The following FGL1 variants were observed in gnomAD, a reference collection of about 807,000 sequenced individuals.
FGL1 encodes fibrinogen like 1.
A neutral mutation model predicts 43.7 loss-of-function variants in FGL1; 59 were observed. The observed-to-expected ratio is 1.35, with a 90% CI of 1.10 to 1.68. The LOEUF (loss-of-function observed/expected upper bound fraction) is 1.68. FGL1 is among the 40% of genes most tolerant of loss of function. The probability of loss-of-function intolerance (pLI) is 0.00; values close to 1 mark genes in which losing one functional copy is unlikely to be tolerated. For synonymous variants in FGL1, 192 were observed against 126.5 expected, an observed-to-expected ratio of 1.52 and a Z score of -3.48; for missense variants, 596 against 373.0, an observed-to-expected ratio of 1.60 and a Z score of -4.92.
chr8:17,891,041 C>T (rs1300794761), intron 1 of FGL1, among the ~76,000 whole-genome samples: 2 of 152,108 alleles, frequency 1.3e-5, no homozygotes, highest in Admixed American at 6.6e-5. Flanking sequence ...CACTTATCAC[C>T]AAATATAATG....
chr8:17,874,185 C>T (rs1563451033), intron 4 of FGL1, 69 bp from the exon 5 acceptor site: 1 of 1,358,306 alleles, frequency 7.4e-7, no homozygotes, highest in Non-Finnish European at 1.0e-6. Flanking sequence ...CCACCACCCA[C>T]CCCCTGCTAC....
chr8:17,895,261 T>C (rs2053758066), intron 1 of FGL1, 186 bp downstream of exon 1: 1 of 1,010,350 alleles, frequency 9.9e-7, no homozygotes, highest in Non-Finnish European at 1.2e-6. Flanking sequence ...TATCTGTATA[T>C]CTGTAACAAA....
At chr8:17,885,216 AT>A (rs528619225) in intron 2 of FGL1, among the ~76,000 whole-genome samples, 3 of 151,216 alleles carry the variant, frequency 2.0e-5, no homozygotes, top group East Asian at 1.9e-4. Context: ...AATTTTTTGT[AT>A]TTTTTTTAGT....
chr8:17,869,936 C>T (rs999582314), intron 5 of FGL1, among the ~76,000 whole-genome samples: 4 of 151,992 alleles, frequency 2.6e-5, no homozygotes, highest in Admixed American at 1.3e-4. Context: ...TGTGAAACCC[C>T]GTCTCTACTA....
intron 1 of FGL1, among the ~76,000 whole-genome samples, chr8:17,887,822 G>A (rs937184483): frequency 5.0e-5 from 6 of 121,136 alleles, no homozygotes; most frequent in African/African-American, 1.3e-4. Context: ...GTGACAGTGC[G>A]AGACTCCATC....
At chr8:17,879,087 T>A (rs2053497846) in intron 3 of FGL1, among the ~76,000 whole-genome samples, 1 of 151,608 alleles carries the variant, frequency 6.6e-6, no homozygotes, top group South Asian at 2.1e-4. Context: ...ATATGAAAAA[T>A]ATTGTTTTAA....
At chr8:17,880,774 TA>T (rs965831896) in intron 3 of FGL1, among the ~76,000 whole-genome samples, 19 of 152,336 alleles carry the variant, frequency 1.2e-4, no homozygotes, top group African/African-American at 4.3e-4. Flanking sequence ...TCGTTTACTC[TA>T]AAAGATACCT....
At chr8:17,876,900 T>G (rs2053464951) in intron 3 of FGL1, among the ~76,000 whole-genome samples, 2 of 152,238 alleles carry the variant, frequency 1.3e-5, no homozygotes, top group African/African-American at 4.8e-5. Flanking sequence ...TTTGAAATTT[T>G]CCTTCTCCCC....
chr8:17,881,556 G>A (rs1261638234), intron 3 of FGL1, among the ~76,000 whole-genome samples: 1 of 151,528 alleles, frequency 6.6e-6, no homozygotes, highest in Admixed American at 6.6e-5. Flanking sequence ...AGTGTCGGCT[G>A]GGCACGGTGG....
chr8:17,890,514 T>C (rs2053688824), intron 1 of FGL1, among the ~76,000 whole-genome samples: 1 of 152,148 alleles, frequency 6.6e-6, no homozygotes, highest in African/African-American at 2.4e-5. Context: ...ATCTCTGTGG[T>C]TTGCTCCATG....
chr8:17,874,115 C>T lies in FGL1; in HGVS notation c.406G>A (p.Gly136Arg). 1 of 1,610,090 alleles carries T rather than the reference C, an allele frequency of 6.2e-7. No homozygotes were observed. Among genetic ancestry groups the T allele is most frequent in the Non-Finnish European group, 8.5e-7 (1 of 1,178,580 alleles). The change falls in exon 5 of 8, where the codon GGA becomes AGA. Residue 136 changes from glycine to arginine, a missense_variant and splice_region_variant. Transcript: ENST00000427924. ...AAGCCATTTTCATAGTCTTTCCATC[C>T]TCTAAAAAAGGTAAAGTGGAAGCCG... ...RSDGSENFNR[G>R]WKDYENGFGN...
Position 17,880,469 on chromosome 8 carries a change from G to A in FGL1, c.244+1530C>T, listed in dbSNP as rs2517317. 3.2e-3 allele frequency among the ~76,000 whole-genome samples: 490 copies of A among 152,126 alleles called. 1 individual carries two copies. The highest frequency in any genetic ancestry group is 0.017 in the Middle Eastern group (5 of 294). On this transcript the variant is annotated intron_variant, in intron 3 of 7. Coordinates refer to ENST00000427924, the MANE Select transcript of FGL1 (RefSeq NM_004467.4). Reference sequence around the variant, plus strand: ...GATTGGCAACTCTTTGACCTCTACAGTCTTTCAATTCTAGTCAAATAGGTG... The same window carrying A: ...GATTGGCAACTCTTTGACCTCTACAATCTTTCAATTCTAGTCAAATAGGTG...
chr8:17,884,356 A>G (rs34500359), intron 2 of FGL1, among the ~76,000 whole-genome samples: 12,280 of 152,014 alleles, frequency 0.081, 1,032 homozygotes, highest in African/African-American at 0.21. Context: ...CATAACACCC[A>G]GCTAATTTTT....
In FGL1 at chr8:17,883,513, T is replaced by C. The variant is rs1306900836; in HGVS notation, c.64-1334A>G. 5.3e-5 allele frequency among the ~76,000 whole-genome samples: 7 copies of C among 133,308 alleles called. No individual in the cohort carries two copies. In the East Asian group the frequency reaches 1.3e-3, roughly 24 times the overall value. 87.5% of individuals were successfully genotyped at this position (133,308 alleles called of 152,430 possible). ...ATATATTAAATATATTTATATATAA[T>C]ATAATGTAATATAATTGTATTTATT... On this transcript the variant is annotated intron_variant, in intron 2 of 7. Transcript: ENST00000427924.
intron 1 of FGL1, among the ~76,000 whole-genome samples, chr8:17,886,917 T>C (rs2131740433): frequency 6.6e-6 from 1 of 152,246 alleles, no homozygotes; most frequent in South Asian, 2.1e-4. Flanking sequence ...GAGGCACTGC[T>C]AGCTTGGAAG....
At chr8:17,877,200 G>T (rs1489435960) in intron 3 of FGL1, among the ~76,000 whole-genome samples, 1 of 151,936 alleles carries the variant, frequency 6.6e-6, no homozygotes, top group African/African-American at 2.4e-5. Context: ...TAGAAGAAAG[G>T]CAAGGTTAAA....
intron 1 of FGL1, among the ~76,000 whole-genome samples, chr8:17,887,417 C>T (rs1449658936): frequency 1.3e-5 from 2 of 152,164 alleles, no homozygotes; most frequent in African/African-American, 2.4e-5. Flanking sequence ...TGAAGAGAGG[C>T]ATATTTTACA....
chr8:17,892,969 G>A (rs765474740), intron 1 of FGL1, among the ~76,000 whole-genome samples: 22 of 152,188 alleles, frequency 1.4e-4, no homozygotes, highest in Non-Finnish European at 2.6e-4. Flanking sequence ...AGAGGCTGAG[G>A]CAGGCAGATC....
intron 3 of FGL1, among the ~76,000 whole-genome samples, chr8:17,879,282 A>G (rs1212672953): frequency 1.3e-5 from 2 of 151,842 alleles, no homozygotes; most frequent in Non-Finnish European, 1.5e-5. Flanking sequence ...TTGGCATCGT[A>G]ATTTCCAAGT....
Sources: allele counts gnomAD v4.1 joint callset (sites outside exome capture counted in the v4.1 genomes callset), GRCh38; gene constraint gnomAD v4.1.1; transcripts MANE v1.5; gene names NCBI Gene and HGNC (gene_info 2026-07-23, HGNC 2026-07-21).